Variants in FER observed in about 807,000 individuals in gnomAD.
FER encodes FER tyrosine kinase.
In FER, 63 loss-of-function variants were observed where a neutral mutation model predicts 111.0. The observed-to-expected ratio is 0.57, with a 90% confidence interval of 0.46 to 0.70. The LOEUF (loss-of-function observed/expected upper bound fraction) is 0.70, where lower values mean the gene tolerates loss of function less well. FER is among the 30% of genes least tolerant of loss of function. FER has a pLI of 0.00. For missense variants in FER, 914 were observed against 954.0 expected (o/e 0.96, Z 0.55); for synonymous variants, 327 against 313.9 (o/e 1.04, Z -0.44).
At chr5:108,761,051 C>T (rs1166427090) in intron 1 of FER, among the ~76,000 whole-genome samples, 2 of 152,076 alleles carry the variant, frequency 1.3e-5, no homozygotes, top group Non-Finnish European at 2.9e-5. Context: ...CTGCCTCAGC[C>T]TCCTGAGTAG....
intron 1 of FER, among the ~76,000 whole-genome samples, chr5:108,756,414 C>T (rs939652911): frequency 2.0e-5 from 3 of 151,660 alleles, no homozygotes; most frequent in African/African-American, 4.8e-5. Context: ...ATGGAAAATC[C>T]AGTCACTATC....
intron 13 of FER, among the ~76,000 whole-genome samples, chr5:109,007,162 C>G (rs191535792): frequency 4.6e-5 from 7 of 152,054 alleles, no homozygotes; most frequent in Non-Finnish European, 1.0e-4. Flanking sequence ...AATGCAGTTT[C>G]GAAGTAATAG....
chr5:108,877,980 A>T (rs1437387234), intron 8 of FER, among the ~76,000 whole-genome samples: 2 of 151,940 alleles, frequency 1.3e-5, no homozygotes, highest in Non-Finnish European at 2.9e-5. Context: ...ATCTCTGCTC[A>T]CTGCAGCCTC....
At chr5:109,003,973 G>T (rs145404027) in intron 13 of FER, among the ~76,000 whole-genome samples, 1 of 152,092 alleles carries the variant, frequency 6.6e-6, no homozygotes, top group Non-Finnish European at 1.5e-5. Context: ...GTGTAAGACC[G>T]GGTCTCAAGA....
chr5:108,897,237 C>T (rs1749280699), intron 9 of FER, among the ~76,000 whole-genome samples: 2 of 152,128 alleles, frequency 1.3e-5, no homozygotes, highest in Admixed American at 1.3e-4. Flanking sequence ...AGACTGTCAC[C>T]TTGATTTTAT....
chr5:108,982,569 G>A (rs143441513), intron 13 of FER, among the ~76,000 whole-genome samples: 3 of 152,110 alleles, frequency 2.0e-5, no homozygotes, highest in African/African-American at 4.8e-5. Context: ...AAAGGTATCC[G>A]AAATAATATT....
At chr5:108,983,464 G>A (rs1337498862) in intron 13 of FER, among the ~76,000 whole-genome samples, 1 of 152,040 alleles carries the variant, frequency 6.6e-6, no homozygotes. Flanking sequence ...GCAGAAATAT[G>A]GACAGCTGAT....
rs1028358831 is a variant in FER, at chr5:108,924,880, T to G, written c.1237-21250T>G. ...AGGTCATCTATTTTATGCGGCTGCT[T>G]CAAATGGGAAGGATAATTTCTCTTG... is the stretch of plus-strand genomic sequence containing the variant. On this transcript the variant is annotated intron_variant, in intron 10 of 19. Transcript: ENST00000281092. 3.0e-6 allele frequency: 3 copies of G among 992,558 alleles called. No individual in the cohort carries two copies. The African/African-American group carries it at 5.0e-5, about 17-fold the overall frequency. The allele number at this position is 992,558 out of a possible 1,614,324, so 61.5% of individuals were successfully genotyped here.
At chr5:108,988,858 G>A (rs1003622154) in intron 13 of FER, among the ~76,000 whole-genome samples, 2 of 151,962 alleles carry the variant, frequency 1.3e-5, no homozygotes, top group Admixed American at 6.6e-5. Flanking sequence ...GTTTCTTCTT[G>A]TTTCTTTAGG....
At chr5:108,975,476 G>A (rs1761216004) in intron 13 of FER, among the ~76,000 whole-genome samples, 1 of 152,170 alleles carries the variant, frequency 6.6e-6, no homozygotes, top group Non-Finnish European at 1.5e-5. Context: ...TACAGTAGCA[G>A]TAGAAAACTA....
At chr5:108,787,037 G>T (rs1188929697) in intron 2 of FER, among the ~76,000 whole-genome samples, 2 of 152,170 alleles carry the variant, frequency 1.3e-5, no homozygotes. Flanking sequence ...GCCAGCAGGG[G>T]CTGGGAACAG....
rs1442176977 is a variant in FER, at chr5:108,879,343, C to T, written c.924-4053C>T. Among the ~76,000 whole-genome samples the T allele has an allele frequency of 2.0e-5, 3 of 152,138 alleles. No individual in the cohort carries two copies. In the East Asian group the frequency reaches 5.8e-4, roughly 29 times the overall value. On this transcript the variant is annotated intron_variant, in intron 8 of 19. Coordinates refer to ENST00000281092, the MANE Select transcript of FER (RefSeq NM_005246.4). Reference sequence around the variant, plus strand: ...GTTTGCTGCACCTATAGACCCATCACTGGGTATTGTCTCGCATGCATTAAC... The same window carrying T: ...GTTTGCTGCACCTATAGACCCATCATTGGGTATTGTCTCGCATGCATTAAC...
chr5:108,872,733 A>G (rs1764717407), intron 8 of FER, among the ~76,000 whole-genome samples: 1 of 152,290 alleles, frequency 6.6e-6, no homozygotes, highest in East Asian at 1.9e-4. Flanking sequence ...AGAAATCACA[A>G]TGTGTTTTTA....
intron 13 of FER, among the ~76,000 whole-genome samples, chr5:109,002,769 C>T (rs1403225269): frequency 6.6e-6 from 1 of 151,556 alleles, no homozygotes; most frequent in Non-Finnish European, 1.5e-5. Context: ...CTCAAATTTA[C>T]AAGAAAAAAA....
intron 10 of FER, among the ~76,000 whole-genome samples, chr5:108,943,320 G>T (rs1056564624): frequency 2.0e-5 from 3 of 152,084 alleles, no homozygotes; most frequent in Non-Finnish European, 2.9e-5. Flanking sequence ...TCTTTTTTCT[G>T]ATGTGGAAAC....
intron 5 of FER, among the ~76,000 whole-genome samples, chr5:108,845,659 G>A (rs1375700136): frequency 1.3e-5 from 2 of 151,278 alleles, no homozygotes; most frequent in African/African-American, 2.4e-5. Context: ...GTATGATATT[G>A]AATAGAAGTG....
intron 17 of FER, among the ~76,000 whole-genome samples, chr5:109,135,860 A>C (rs1752840789): frequency 6.6e-6 from 1 of 152,196 alleles, no homozygotes. Context: ...GCTCAAAAAC[A>C]GAAAAGAAAG....
chr5:109,040,394 C>A (rs904764017), intron 14 of FER, among the ~76,000 whole-genome samples: 1 of 152,006 alleles, frequency 6.6e-6, no homozygotes, highest in Non-Finnish European at 1.5e-5. Flanking sequence ...TTGAAAAGAG[C>A]AGCCAAGTAG....
At chr5:109,159,432 A>G (rs1035723735) in intron 17 of FER, among the ~76,000 whole-genome samples, 4 of 141,342 alleles carry the variant, frequency 2.8e-5, no homozygotes, top group Non-Finnish European at 6.3e-5. Context: ...AGTTGGTACC[A>G]TGAACAGGGA....
Sources: allele counts gnomAD v4.1 joint callset (sites outside exome capture counted in the v4.1 genomes callset), GRCh38; gene constraint gnomAD v4.1.1; transcripts MANE v1.5; gene names NCBI Gene and HGNC (gene_info 2026-07-23, HGNC 2026-07-21).